Variants in NEGR1 observed in about 807,000 individuals in gnomAD.
NEGR1 encodes IgLON family member 4.
A neutral mutation model predicts 40.9 loss-of-function variants in NEGR1; 10 were observed. The observed-to-expected ratio is 0.24, with a 90% CI of 0.15 to 0.42. NEGR1 has a LOEUF of 0.42. NEGR1 is among the 10% of genes least tolerant of loss of function. NEGR1 has a pLI of 1.00. For missense variants in NEGR1, 352 were observed against 438.9 expected, an observed-to-expected ratio of 0.80 and a Z score of 1.77; for synonymous variants, 185 against 166.8, an observed-to-expected ratio of 1.11 and a Z score of -0.84.
chr1:72,000,173 T>A (rs1426675505), intron 1 of NEGR1, among the ~76,000 whole-genome samples: 1 of 152,156 alleles, frequency 6.6e-6, no homozygotes, highest in Non-Finnish European at 1.5e-5. Context: ...TCATGAATGA[T>A]GGTTTTTTCT....
intron 3 of NEGR1, among the ~76,000 whole-genome samples, chr1:71,748,677 A>T (rs1296549489): frequency 3.9e-5 from 6 of 152,152 alleles, no homozygotes; most frequent in Non-Finnish European, 5.9e-5. Flanking sequence ...CCTTTTAAAA[A>T]ATTGTATTAT....
chr1:71,539,755 T>C (rs561244675), intron 6 of NEGR1, among the ~76,000 whole-genome samples: 1 of 151,848 alleles, frequency 6.6e-6, no homozygotes, highest in South Asian at 2.1e-4. Context: ...TCAAAACTAC[T>C]TTGAATAAAA....
At chr1:71,742,858 C>A (rs958181158) in intron 3 of NEGR1, among the ~76,000 whole-genome samples, 19 of 152,092 alleles carry the variant, frequency 1.2e-4, no homozygotes, top group African/African-American at 4.1e-4. Flanking sequence ...GGTCAGAGGC[C>A]AGATCTTATG....
chr1:71,698,599 G>A (rs1653569326), intron 3 of NEGR1, among the ~76,000 whole-genome samples: 2 of 151,836 alleles, frequency 1.3e-5, no homozygotes, highest in African/African-American at 4.8e-5. Context: ...ATTCAAGTCA[G>A]ATGTCTTGAA....
Position 72,247,222 on chromosome 1 carries a change from G to A in NEGR1, c.176+35097C>T, listed in dbSNP as rs541873501. ...ACACCTTGCTCCCTTTTGGTTATGT[G>A]AATATCTCTGAAGGTGGTTGCTCCA... On this transcript the variant is annotated intron_variant, in intron 1 of 6. Coordinates refer to ENST00000357731, the MANE Select transcript of NEGR1 (RefSeq NM_173808.3). Among the ~76,000 whole-genome samples the A allele has an allele frequency of 1.2e-3, 176 of 152,280 alleles. 1 individual carries two copies. Among genetic ancestry groups the A allele is most frequent in the African/African-American group, 4.1e-3 (171 of 41,550 alleles).
intron 1 of NEGR1, among the ~76,000 whole-genome samples, chr1:72,057,281 T>C (rs1037797110): frequency 1.3e-5 from 2 of 151,642 alleles, no homozygotes; most frequent in Admixed American, 6.6e-5. Flanking sequence ...TTGTGCATTA[T>C]TGGAGTGCAT....
chr1:71,766,121 C>T (rs7546909), intron 3 of NEGR1, among the ~76,000 whole-genome samples: 10,848 of 147,244 alleles, frequency 0.074, 490 homozygotes, highest in East Asian at 0.13. Flanking sequence ...TGCAGTGAGC[C>T]AAGATCGTGC....
At chr1:71,669,912 G>T (rs1390039074) in intron 4 of NEGR1, among the ~76,000 whole-genome samples, 1 of 152,190 alleles carries the variant, frequency 6.6e-6, no homozygotes, top group Non-Finnish European at 1.5e-5. Context: ...TTCCCAAAGT[G>T]CTGGGATTAT....
intron 3 of NEGR1, among the ~76,000 whole-genome samples, chr1:71,722,583 C>T (rs1654544633): frequency 1.3e-5 from 2 of 151,936 alleles, no homozygotes; most frequent in South Asian, 4.1e-4. Context: ...GAATAAATAG[C>T]CGTTGAATTT....
chr1:72,140,401 GA>G (rs926368459), intron 1 of NEGR1, among the ~76,000 whole-genome samples: 1 of 152,032 alleles, frequency 6.6e-6, no homozygotes, highest in Non-Finnish European at 1.5e-5. Context: ...GGCATCTGGT[GA>G]GAGCCTTCCT....
chr1:71,925,594 A>G (rs17091898), intron 2 of NEGR1, among the ~76,000 whole-genome samples: 2,723 of 152,174 alleles, frequency 0.018, 81 homozygotes, highest in African/African-American at 0.063. Flanking sequence ...GCAGATTCCA[A>G]TTTTCTCCTG....
chr1:72,152,744 T>C (rs756946059), intron 1 of NEGR1, among the ~76,000 whole-genome samples: 1 of 152,070 alleles, frequency 6.6e-6, no homozygotes, highest in Non-Finnish European at 1.5e-5. Context: ...AATGGTAGAA[T>C]GGATAAAGAA....
At position 72,162,034 on chromosome 1, in the gene NEGR1, A is replaced by G. The variant is rs1651584297; in HGVS notation, c.176+120285T>C. Among the ~76,000 whole-genome samples the G allele has an allele frequency of 3.3e-5, 5 of 152,264 alleles. No individual in the cohort carries two copies. The South Asian group carries it at 8.3e-4, about 25-fold the overall frequency. ...TTTCATTCAACCAATGCTAAAAGTTACAGATTGGGTGTGGTTGTGCTGTTA... is the reference window on the plus strand; with the variant it reads ...TTTCATTCAACCAATGCTAAAAGTTGCAGATTGGGTGTGGTTGTGCTGTTA... On this transcript the variant is annotated intron_variant, in intron 1 of 6. Transcript: ENST00000357731.
At chr1:71,605,789 T>G (rs1650057028) in intron 5 of NEGR1, among the ~76,000 whole-genome samples, 1 of 152,334 alleles carries the variant, frequency 6.6e-6, no homozygotes, top group South Asian at 2.1e-4. Flanking sequence ...ATTGATACTC[T>G]TCATTCCAGG....
At chr1:71,509,110 C>T (rs1006788355) in intron 6 of NEGR1, among the ~76,000 whole-genome samples, 1 of 152,074 alleles carries the variant, frequency 6.6e-6, no homozygotes, top group South Asian at 2.1e-4. Context: ...ATGCCTGGGT[C>T]GAATGGATCA....
intron 1 of NEGR1, among the ~76,000 whole-genome samples, chr1:72,024,706 A>G (rs995764793): frequency 4.6e-5 from 7 of 152,212 alleles, no homozygotes; most frequent in African/African-American, 1.2e-4. Context: ...CAGCCACGTA[A>G]TACTTAATCA....
chr1:71,760,777 G>A (rs1655914567), intron 3 of NEGR1, among the ~76,000 whole-genome samples: 1 of 152,078 alleles, frequency 6.6e-6, no homozygotes. Flanking sequence ...GAATTACAGT[G>A]TTTGGGTGAC....
chr1:71,970,565 G>A (rs973075279), intron 1 of NEGR1, among the ~76,000 whole-genome samples: 2 of 151,972 alleles, frequency 1.3e-5, no homozygotes, highest in African/African-American at 4.8e-5. Flanking sequence ...GGTAGTGCGT[G>A]CCTGTAGATC....
At chr1:72,104,416 T>A (rs879470884) in intron 1 of NEGR1, among the ~76,000 whole-genome samples, 1 of 151,980 alleles carries the variant, frequency 6.6e-6, no homozygotes, top group Admixed American at 6.6e-5. Context: ...GATTTTAGGA[T>A]GGAAGAGAGC....
Sources: gnomAD v4.1 joint callset for allele counts (sites outside exome capture counted in the v4.1 genomes callset) on GRCh38, gnomAD v4.1.1 for gene constraint, MANE v1.5 for transcripts, NCBI Gene and HGNC (gene_info 2026-07-23, HGNC 2026-07-21) for gene names.